The following KCND2 variants were observed in gnomAD, a reference collection of about 807,000 sequenced individuals.
KCND2 encodes A-type voltage-gated potassium channel KCND2.
Under a neutral mutation model 54.4 loss-of-function variants are expected in KCND2, and 16 were observed. The ratio of observed to expected loss-of-function variants is 0.29; its 90% CI spans 0.20 to 0.45. The LOEUF is 0.45. KCND2 is among the 20% of genes least tolerant of loss of function. KCND2 has a pLI of 1.00. For missense variants in KCND2, 486 were observed against 824.2 expected (o/e 0.59, Z 5.02); for synonymous variants, 317 against 310.7 (o/e 1.02, Z -0.21).
In KCND2 at chr7:120,383,016, A is replaced by G. The variant is rs1007461674; in HGVS notation, c.1115+107269A>G. 2.0e-5 allele frequency among the ~76,000 whole-genome samples: 3 copies of G among 152,044 alleles called. No individual in the cohort carries two copies. The East Asian group carries it at 5.8e-4, about 29-fold the overall frequency. On this transcript the variant is annotated intron_variant, in intron 1 of 5. Coordinates refer to ENST00000331113, the MANE Select transcript of KCND2 (RefSeq NM_012281.3). ...TTACCTTTCCTGTCACTAGTTAGCTACACCTAAGTTTGCAGTTCTCACCAA... is the reference window on the plus strand; with the variant it reads ...TTACCTTTCCTGTCACTAGTTAGCTGCACCTAAGTTTGCAGTTCTCACCAA...
chr7:120,602,892 A>T (rs1442530330), intron 1 of KCND2, among the ~76,000 whole-genome samples: 1 of 152,226 alleles, frequency 6.6e-6, no homozygotes, highest in Non-Finnish European at 1.5e-5. Flanking sequence ...TTAGAAATCT[A>T]TCGAAATGTT....
At chr7:120,694,562 A>T (rs898997584) in intron 1 of KCND2, among the ~76,000 whole-genome samples, 3 of 152,088 alleles carry the variant, frequency 2.0e-5, no homozygotes, top group African/African-American at 7.2e-5. Flanking sequence ...AACTATAGAT[A>T]TTTTTTTCAT....
At chr7:120,531,779 T>C (rs1380046232) in intron 1 of KCND2, among the ~76,000 whole-genome samples, 2 of 152,150 alleles carry the variant, frequency 1.3e-5, no homozygotes, top group East Asian at 3.8e-4. Flanking sequence ...TATATACTTG[T>C]CTTCTATGCC....
chr7:120,480,697 ACT>A (rs2116279322), intron 1 of KCND2, among the ~76,000 whole-genome samples: 1 of 152,212 alleles, frequency 6.6e-6, no homozygotes. Context: ...CCATGGGATG[ACT>A]CTTGCCAGAT....
chr7:120,452,020 A>G (rs1038783831), intron 1 of KCND2, among the ~76,000 whole-genome samples: 4 of 152,236 alleles, frequency 2.6e-5, no homozygotes, highest in Non-Finnish European at 5.9e-5. Context: ...ATGAAAAAAT[A>G]TTTTTAAATT....
intron 1 of KCND2, among the ~76,000 whole-genome samples, chr7:120,551,311 G>T (rs1792102607): frequency 6.6e-6 from 1 of 152,132 alleles, no homozygotes; most frequent in Non-Finnish European, 1.5e-5. Context: ...ACCCCTCATA[G>T]TGAGCAGCTC....
At chr7:120,497,940 A>C (rs1802873992) in intron 1 of KCND2, among the ~76,000 whole-genome samples, 1 of 152,184 alleles carries the variant, frequency 6.6e-6, no homozygotes, top group South Asian at 2.1e-4. Flanking sequence ...TGCAAAACAC[A>C]GTACGCATTA....
rs1037428381 is a variant in KCND2 at position 120,465,308 on chromosome 7, A to G, written c.1115+189561A>G. On this transcript the variant is annotated intron_variant, in intron 1 of 5. Transcript: ENST00000331113. ...TAGCGAAGAGCTAATAACATAAGGCAAAATGTGTAATCGGTGTACCAAAGG... is the reference window on the plus strand; with the variant it reads ...TAGCGAAGAGCTAATAACATAAGGCGAAATGTGTAATCGGTGTACCAAAGG... Among the ~76,000 whole-genome samples, 5 of 152,154 alleles carry G rather than the reference A, an allele frequency of 3.3e-5. 1 individual carries two copies. Among genetic ancestry groups the G allele is most frequent in the Admixed American group, 1.3e-4 (2 of 15,254 alleles).
At chr7:120,399,257 C>G (rs1232476130) in intron 1 of KCND2, among the ~76,000 whole-genome samples, 1 of 151,478 alleles carries the variant, frequency 6.6e-6, no homozygotes, top group Non-Finnish European at 1.5e-5. Flanking sequence ...TCAGTGATAA[C>G]TATTATAGCA....
chr7:120,464,173 C>A, intron 1 of KCND2: 1 of 640,976 alleles, frequency 1.6e-6, no homozygotes, highest in Non-Finnish European at 1.9e-6. Context: ...TTTTGCCTCT[C>A]GGTGAGTCTG....
chr7:120,339,685 G>T (rs1800212651), intron 1 of KCND2, among the ~76,000 whole-genome samples: 1 of 152,094 alleles, frequency 6.6e-6, no homozygotes, highest in Non-Finnish European at 1.5e-5. Context: ...CCACACACGT[G>T]CGCACATAGA....
intron 1 of KCND2, among the ~76,000 whole-genome samples, chr7:120,308,270 A>G (rs1751087315): frequency 6.6e-6 from 1 of 152,126 alleles, no homozygotes; most frequent in South Asian, 2.1e-4. Context: ...CATGCTTCTC[A>G]TAATCACTGT....
At chr7:120,541,657 G>A (rs761930449) in intron 1 of KCND2, among the ~76,000 whole-genome samples, 1 of 151,972 alleles carries the variant, frequency 6.6e-6, no homozygotes, top group Non-Finnish European at 1.5e-5. Context: ...TCATTTTCCA[G>A]CTGCCTTTTT....
At chr7:120,617,233 A>G (rs1025467370) in intron 1 of KCND2, among the ~76,000 whole-genome samples, 1 of 152,210 alleles carries the variant, frequency 6.6e-6, no homozygotes, top group East Asian at 1.9e-4. Context: ...TACCAGTTGT[A>G]TGCCAGGCTT....
chr7:120,358,261 C>T (rs776080748), intron 1 of KCND2, among the ~76,000 whole-genome samples: 2 of 152,058 alleles, frequency 1.3e-5, no homozygotes, highest in South Asian at 2.1e-4. Flanking sequence ...AAAATCCTCT[C>T]GAAGTTGTCA....
At chr7:120,581,582 C>G (rs1040187339) in intron 1 of KCND2, among the ~76,000 whole-genome samples, 3 of 152,158 alleles carry the variant, frequency 2.0e-5, no homozygotes, top group African/African-American at 7.2e-5. Context: ...TGGAGAGAAG[C>G]AATCTTCCAC....
chr7:120,631,799 C>T (rs144669285), intron 1 of KCND2, among the ~76,000 whole-genome samples: 44 of 152,176 alleles, frequency 2.9e-4, no homozygotes, highest in African/African-American at 8.7e-4. Context: ...TTCAATTTAA[C>T]GTAGAAATGG....
chr7:120,630,201 C>A (rs1042837866), intron 1 of KCND2, among the ~76,000 whole-genome samples: 4 of 152,136 alleles, frequency 2.6e-5, no homozygotes, highest in Non-Finnish European at 5.9e-5. Context: ...ATGCACCAGA[C>A]ACAAACAGTA....
intron 1 of KCND2, among the ~76,000 whole-genome samples, chr7:120,708,044 G>GT (rs1284192342): frequency 1.3e-5 from 2 of 151,946 alleles, no homozygotes; most frequent in Non-Finnish European, 2.9e-5. Flanking sequence ...GATACAAGAG[G>GT]TTTTTTCAAG....
Sources: allele counts gnomAD v4.1 joint callset (sites outside exome capture counted in the v4.1 genomes callset), GRCh38; gene constraint gnomAD v4.1.1; transcripts MANE v1.5; gene names NCBI Gene and HGNC (gene_info 2026-07-23, HGNC 2026-07-21).